The following ELAVL2 variants were observed in gnomAD, a reference collection of about 807,000 sequenced individuals.
ELAVL2 encodes the protein ELAV-like protein 2.
ELAVL2 carries 4 observed loss-of-function variants against 34.6 expected under a neutral mutation model. The ratio of observed to expected loss-of-function variants is 0.12; its 90% confidence interval spans 0.06 to 0.26. The LOEUF (loss-of-function observed/expected upper bound fraction) is 0.26, where lower values mean the gene tolerates loss of function less well. ELAVL2 is among the 10% of genes least tolerant of loss of function. The pLI is 1.00. For synonymous variants in ELAVL2, 193 were observed against 154.8 expected (o/e 1.25, Z -1.83); for missense variants, 432 against 442.8 (o/e 0.98, Z 0.22).
At chr9:23,809,869 C>A (rs2062748736) in intron 1 of ELAVL2, among the ~76,000 whole-genome samples, 2 of 152,128 alleles carry the variant, frequency 1.3e-5, no homozygotes, top group African/African-American at 4.8e-5. Context: ...TGGAGAAATA[C>A]TGAAAACTTA....
intron 1 of ELAVL2, among the ~76,000 whole-genome samples, chr9:23,768,241 C>T (rs1285495610): frequency 6.6e-6 from 1 of 152,142 alleles, no homozygotes; most frequent in Non-Finnish European, 1.5e-5. Context: ...CCTTGTCCCT[C>T]AAACAGTCCA....
intron 1 of ELAVL2, among the ~76,000 whole-genome samples, chr9:23,824,271 TAC>T: frequency 6.6e-6 from 1 of 152,192 alleles, no homozygotes; most frequent in East Asian, 1.9e-4. Flanking sequence ...ATTAATTCTG[TAC>T]AGACGTGAAA....
intron 2 of ELAVL2, among the ~76,000 whole-genome samples, chr9:23,746,975 A>G (rs2050661560): frequency 6.6e-6 from 1 of 152,142 alleles, no homozygotes; most frequent in African/African-American, 2.4e-5. Flanking sequence ...AACATCCTGC[A>G]TTCCACCTTC....
chr9:23,835,464 C>A, the ELAVL2 span, among the ~76,000 whole-genome samples: 2 of 151,942 alleles, frequency 1.3e-5, no homozygotes, highest in Non-Finnish European at 2.9e-5. Flanking sequence ...ATCTTTATTC[C>A]ATTTACATAG....
intron 3 of ELAVL2, among the ~76,000 whole-genome samples, chr9:23,721,628 C>G (rs1453135483): frequency 2.6e-5 from 4 of 152,096 alleles, no homozygotes; most frequent in Admixed American, 1.3e-4. Context: ...ACAGATGACC[C>G]TGGAACAATA....
At position 23,733,927 on chromosome 9, in the gene ELAVL2, T is replaced by C. The variant is rs534997083; in HGVS notation, c.230-2802A>G. 4.6e-5 allele frequency among the ~76,000 whole-genome samples: 7 copies of C among 152,232 alleles called. No homozygotes were observed. The South Asian group carries it at 1.2e-3, about 27-fold the overall frequency. On this transcript the variant is annotated intron_variant, in intron 2 of 6. Coordinates refer to ENST00000397312, the MANE Select transcript of ELAVL2 (RefSeq NM_004432.5). Reference sequence around the variant, plus strand: ...ACTAGCTATATGAGTCAGTCAAATATCTAGTATCTGTTAAGTTGTTTATAC... The same window carrying C: ...ACTAGCTATATGAGTCAGTCAAATACCTAGTATCTGTTAAGTTGTTTATAC...
At chr9:23,831,400 AC>A in the ELAVL2 span, 1 of 150,112 alleles carries the variant, frequency 6.7e-6, no homozygotes. Context: ...TCACACTTTT[AC>A]CCCCACGTGT....
rs1554663987 is a variant in ELAVL2, at chr9:23,702,974, A to AAAAAAAAAAAAAAAAAC, written c.488-1371_488-1370insGTTTTTTTTTTTTTTTT. On this transcript the variant is annotated intron_variant, in intron 4 of 6. Coordinates refer to ENST00000397312, the MANE Select transcript of ELAVL2 (RefSeq NM_004432.5). ...AGCAAAAAAAAAAAAAAAAAAAAAA[A>AAAAAAAAAAAAAAAAAC]AAAAAAACAGCCTCTACACAGCTAG... Among the ~76,000 whole-genome samples the AAAAAAAAAAAAAAAAAC allele has an allele frequency of 1.0e-4, 14 of 139,382 alleles. 1 individual carries two copies. Among genetic ancestry groups the AAAAAAAAAAAAAAAAAC allele is most frequent in the Non-Finnish European group, 1.7e-4 (11 of 66,108 alleles). 91.4% of individuals were successfully genotyped at this position (139,382 alleles called of 152,430 possible).
chr9:23,777,883 A>C (rs2058473049), intron 1 of ELAVL2, among the ~76,000 whole-genome samples: 1 of 152,220 alleles, frequency 6.6e-6, no homozygotes, highest in Non-Finnish European at 1.5e-5. Context: ...ACCAAAATGG[A>C]AACAAGTGAA....
At chr9:23,738,354 C>G (rs1418003515) in intron 2 of ELAVL2, among the ~76,000 whole-genome samples, 1 of 152,204 alleles carries the variant, frequency 6.6e-6, no homozygotes, top group African/African-American at 2.4e-5. Flanking sequence ...CCAGATGCAG[C>G]AGGTCCTTCC....
In ELAVL2 at chr9:23,702,968, A is replaced by AAAAC. The variant is rs2037902470; in HGVS notation, c.488-1365_488-1364insGTTT. Among the ~76,000 whole-genome samples, 2 of 146,970 alleles carry AAAAC rather than the reference A, an allele frequency of 1.4e-5. 1 individual carries two copies. The highest frequency in any genetic ancestry group is 3.0e-5 in the Non-Finnish European group (2 of 66,344). ...CAGATTAGCAAAAAAAAAAAAAAAA[A>AAAAC]AAAAAAAAAAAAACAGCCTCTACAC... On this transcript the variant is annotated intron_variant, in intron 4 of 6. Coordinates refer to ENST00000397312, the MANE Select transcript of ELAVL2 (RefSeq NM_004432.5).
intron 5 of ELAVL2, among the ~76,000 whole-genome samples, chr9:23,693,885 C>CA (rs1452774862): frequency 5.9e-5 from 9 of 152,122 alleles, no homozygotes; most frequent in African/African-American, 2.2e-4. Flanking sequence ...CTAAGGCACA[C>CA]AGGGTTTAAG....
chr9:23,736,635 C>G (rs1212889884), intron 2 of ELAVL2, among the ~76,000 whole-genome samples: 1 of 152,200 alleles, frequency 6.6e-6, no homozygotes, highest in East Asian at 1.9e-4. Context: ...ACACCCGCAT[C>G]ACGTTCTGCC....
At chr9:23,759,790 A>ATATATG (rs67618615) in intron 2 of ELAVL2, among the ~76,000 whole-genome samples, 9 of 124,048 alleles carry the variant, frequency 7.3e-5, no homozygotes, top group African/African-American at 2.6e-4. Flanking sequence ...ATATATATAT[A>ATATATG]ATGTATAGAA....
chr9:23,789,112 G>A (rs1160977665), intron 1 of ELAVL2, among the ~76,000 whole-genome samples: 1 of 152,128 alleles, frequency 6.6e-6, no homozygotes, highest in Admixed American at 6.6e-5. Context: ...TACAACTTTA[G>A]ATGGCCTTGT....
chr9:23,780,129 T>A (rs2058860551), intron 1 of ELAVL2, among the ~76,000 whole-genome samples: 1 of 149,616 alleles, frequency 6.7e-6, no homozygotes, highest in Admixed American at 6.7e-5. Flanking sequence ...ACCTCACACA[T>A]AACTTAGGTT....
At chr9:23,836,859 G>C in the ELAVL2 span, among the ~76,000 whole-genome samples, 2 of 152,144 alleles carry the variant, frequency 1.3e-5, no homozygotes, top group East Asian at 3.9e-4. Flanking sequence ...GGGAAGTACA[G>C]ATATACAACT....
At chr9:23,825,256 C>G (rs2065227181) in intron 1 of ELAVL2, among the ~76,000 whole-genome samples, 1 of 152,178 alleles carries the variant, frequency 6.6e-6, no homozygotes, top group Non-Finnish European at 1.5e-5. Context: ...GCGGCATGTA[C>G]TTTTTTCAGT....
chr9:23,828,639 G>T (rs896800409), upstream of ELAVL2, among the ~76,000 whole-genome samples: 4 of 151,954 alleles, frequency 2.6e-5, no homozygotes, highest in African/African-American at 9.7e-5. Flanking sequence ...TTCAGCTTGG[G>T]CATAGTGACA....
Sources: allele counts gnomAD v4.1 joint callset (sites outside exome capture counted in the v4.1 genomes callset), GRCh38; gene constraint gnomAD v4.1.1; transcripts MANE v1.5; gene names NCBI Gene and HGNC (gene_info 2026-07-23, HGNC 2026-07-21).